BMAL1: variants seen among roughly 807,000 people sequenced by gnomAD.
BMAL1 encodes the protein basic helix-loop-helix ARNT-like protein 1.
chr11:13,308,998 G>T, the BMAL1 span, among the ~76,000 whole-genome samples: 1 of 152,170 alleles, frequency 6.6e-6, no homozygotes, highest in Non-Finnish European at 1.5e-5. Context: ...GAGATGGCTT[G>T]TGGTAATGGT....
At chr11:13,347,211 G>T in the BMAL1 span, among the ~76,000 whole-genome samples, 2 of 151,492 alleles carry the variant, frequency 1.3e-5, no homozygotes, top group African/African-American at 4.9e-5. Flanking sequence ...GTGAGACCTT[G>T]TCTCTTCTAA....
chr11:13,332,851 C>T, the BMAL1 span, among the ~76,000 whole-genome samples: 15 of 151,952 alleles, frequency 9.9e-5, 1 homozygote, highest in Middle Eastern at 3.2e-3. Context: ...AAGTAGCCTG[C>T]GAACTGGAAT....
chr11:13,353,139 C>T, the BMAL1 span: 4 of 152,316 alleles, frequency 2.6e-5, no homozygotes, highest in South Asian at 8.3e-4. Context: ...TTCCTGATTC[C>T]CAAGTAAGAC....
the BMAL1 span, chr11:13,360,548 G>A: frequency 8.9e-4 from 678 of 765,332 alleles, no homozygotes; most frequent in Admixed American, 1.4e-3. Context: ...TCCTCTCTCA[G>A]GTCCCTCCCT....
the BMAL1 span, among the ~76,000 whole-genome samples, chr11:13,324,393 C>T: frequency 2.0e-5 from 3 of 152,142 alleles, no homozygotes; most frequent in Non-Finnish European, 4.4e-5. Context: ...TCTTACTGTT[C>T]CCCCTGTTGT....
the BMAL1 span, among the ~76,000 whole-genome samples, chr11:13,337,376 A>G: frequency 6.6e-6 from 1 of 152,192 alleles, no homozygotes; most frequent in African/African-American, 2.4e-5. Flanking sequence ...ATATCAGTTC[A>G]CTAATGAATA....
the BMAL1 span, chr11:13,379,831 A>T: frequency 1.3e-5 from 2 of 152,226 alleles, no homozygotes; most frequent in Admixed American, 1.3e-4. Flanking sequence ...GGAGACACAG[A>T]GCTATGATAG....
At chr11:13,278,329 G>A in the BMAL1 span, among the ~76,000 whole-genome samples, 1 of 152,222 alleles carries the variant, frequency 6.6e-6, no homozygotes, top group Non-Finnish European at 1.5e-5. Context: ...TCTGCCCTTG[G>A]GGGCAGTGAC....
At chr11:13,372,332 C>T in the BMAL1 span, 136 of 1,613,968 alleles carry the variant, frequency 8.4e-5, no homozygotes, top group Middle Eastern at 4.9e-4. Flanking sequence ...AACCAGTGAA[C>T]GGGGAAATCA....
At chr11:13,370,945 C>A in the BMAL1 span, among the ~76,000 whole-genome samples, 3 of 152,200 alleles carry the variant, frequency 2.0e-5, no homozygotes, top group African/African-American at 7.2e-5. Flanking sequence ...GAATTTCTTC[C>A]CTCTCCCCAT....
the BMAL1 span, among the ~76,000 whole-genome samples, chr11:13,350,344 A>G: frequency 6.6e-6 from 1 of 152,204 alleles, no homozygotes; most frequent in African/African-American, 2.4e-5. Flanking sequence ...GCTTCTGTAA[A>G]TGTTAATGAC....
chr11:13,297,377 G>C, the BMAL1 span, among the ~76,000 whole-genome samples: 2 of 152,236 alleles, frequency 1.3e-5, no homozygotes, highest in African/African-American at 2.4e-5. Flanking sequence ...ATCATAGGAA[G>C]CCTCTGGAGT....
At chr11:13,301,384 G>A in the BMAL1 span, among the ~76,000 whole-genome samples, 3 of 152,196 alleles carry the variant, frequency 2.0e-5, no homozygotes, top group South Asian at 6.2e-4. Flanking sequence ...GTGCACCCCT[G>A]TTTCTGAGAA....
the BMAL1 span, among the ~76,000 whole-genome samples, chr11:13,364,524 T>A: frequency 1.3e-5 from 2 of 152,240 alleles, no homozygotes; most frequent in Non-Finnish European, 2.9e-5. Context: ...GGTGAGAAAC[T>A]AGTCCACTGT....
the BMAL1 span, among the ~76,000 whole-genome samples, chr11:13,346,396 C>T: frequency 1.3e-5 from 2 of 152,288 alleles, no homozygotes; most frequent in South Asian, 2.1e-4. Context: ...GTCACTTGGT[C>T]TGAACTGGGG....
chr11:13,289,445 C>T, the BMAL1 span, among the ~76,000 whole-genome samples: 1 of 152,140 alleles, frequency 6.6e-6, no homozygotes. Context: ...AGGTTTGTTA[C>T]ATAGGTATAC....
the BMAL1 span, among the ~76,000 whole-genome samples, chr11:13,373,257 C>A: frequency 6.6e-6 from 1 of 152,252 alleles, no homozygotes; most frequent in East Asian, 1.9e-4. Context: ...GGTAATAGAC[C>A]TGGACCAAGG....
chr11:13,366,767 C>T, the BMAL1 span: 4 of 1,613,810 alleles, frequency 2.5e-6, no homozygotes, highest in Non-Finnish European at 3.4e-6. Context: ...CCGGGAGCGG[C>T]TCATAGATGC....
the BMAL1 span, among the ~76,000 whole-genome samples, chr11:13,334,489 G>A: frequency 2.6e-5 from 4 of 151,646 alleles, no homozygotes; most frequent in African/African-American, 9.7e-5. Context: ...TCATAAAATG[G>A]TAGCTTTAGA....
Sources: allele counts gnomAD v4.1 joint callset (sites outside exome capture counted in the v4.1 genomes callset), GRCh38; gene constraint gnomAD v4.1.1; transcripts MANE v1.5; gene names NCBI Gene and HGNC (gene_info 2026-07-23, HGNC 2026-07-21).